Variants in PDLIM5 observed in about 807,000 individuals in gnomAD.
PDLIM5 encodes PDZ and LIM domain protein 5.
In PDLIM5, 34 loss-of-function variants were observed where a neutral mutation model predicts 64.2. That is an observed-to-expected ratio of 0.53 (90% CI 0.40 to 0.71). The LOEUF (loss-of-function observed/expected upper bound fraction) is 0.71, where lower values mean the gene tolerates loss of function less well. PDLIM5 is among the 30% of genes least tolerant of loss of function. PDLIM5 has a pLI of 0.00. For synonymous variants in PDLIM5, 253 were observed against 269.1 expected, an observed-to-expected ratio of 0.94 and a Z score of 0.59; for missense variants, 683 against 733.6, an observed-to-expected ratio of 0.93 and a Z score of 0.80.
At chr4:94,518,211 T>G (rs916155711) in intron 2 of PDLIM5, among the ~76,000 whole-genome samples, 1 of 152,166 alleles carries the variant, frequency 6.6e-6, no homozygotes, top group Non-Finnish European at 1.5e-5. Context: ...AAATGATATC[T>G]GCCATAATGG....
At position 94,576,876 on chromosome 4, in the gene PDLIM5, A is replaced by AT. The variant is rs761089029; in HGVS notation, c.710+851dup. The stretch of plus-strand genomic sequence containing the variant: ...TTCAGCAACCTTCAATTATTTGTTT[A>AT]TTTTTTTTTAACACTTTCGGTTCAA... On this transcript the variant is annotated intron_variant, in intron 5 of 12. Transcript: ENST00000317968. 9.2e-5 allele frequency among the ~76,000 whole-genome samples: 14 copies of AT among 151,500 alleles called. No homozygotes were observed. The East Asian group carries it at 1.2e-3, about 13-fold the overall frequency.
At chr4:94,549,477 A>G (rs1475858371) in intron 3 of PDLIM5, among the ~76,000 whole-genome samples, 1 of 152,214 alleles carries the variant, frequency 6.6e-6, no homozygotes, top group Admixed American at 6.5e-5. Context: ...TGTAAAATGA[A>G]GTATATTTGA....
intron 7 of PDLIM5, among the ~76,000 whole-genome samples, chr4:94,616,343 A>C (rs1336812819): frequency 1.3e-5 from 2 of 152,170 alleles, no homozygotes; most frequent in African/African-American, 4.8e-5. Flanking sequence ...TATCCTTTTA[A>C]TATGTTAAGG....
intron 7 of PDLIM5, among the ~76,000 whole-genome samples, chr4:94,589,733 TTTC>T (rs747346436): frequency 3.8e-5 from 1 of 26,060 alleles, no homozygotes; most frequent in Non-Finnish European, 1.0e-4. Context: ...TCTTTCTTTC[TTTC>T]TTTTCTTTTC....
chr4:94,644,615 C>G (rs1407878510), intron 9 of PDLIM5, among the ~76,000 whole-genome samples: 1 of 151,392 alleles, frequency 6.6e-6, no homozygotes, highest in Non-Finnish European at 1.5e-5. Context: ...AACCTCGGCT[C>G]ACTGCAACCT....
At chr4:94,597,937 C>T (rs973452830) in intron 7 of PDLIM5, among the ~76,000 whole-genome samples, 1 of 152,146 alleles carries the variant, frequency 6.6e-6, no homozygotes, top group African/African-American at 2.4e-5. Context: ...AAACACATCA[C>T]ATCCAACTTA....
intron 3 of PDLIM5, among the ~76,000 whole-genome samples, chr4:94,537,818 C>T (rs1394957703): frequency 6.6e-6 from 1 of 152,154 alleles, no homozygotes; most frequent in Admixed American, 6.5e-5. Flanking sequence ...AGTTCAATCT[C>T]AGATTTCTCT....
intron 2 of PDLIM5, among the ~76,000 whole-genome samples, chr4:94,478,891 T>G (rs963290961): frequency 9.4e-5 from 3 of 32,056 alleles, no homozygotes; most frequent in East Asian, 3.8e-4. Context: ...GTGCTTGGTG[T>G]TTTTTTTTTT....
chr4:94,532,997 T>C (rs2452569), intron 3 of PDLIM5, among the ~76,000 whole-genome samples: 79,326 of 151,998 alleles, frequency 0.52, 21,727 homozygotes, highest in African/African-American at 0.68. Context: ...AGTGAGACTC[T>C]GTCTCAAAAA....
At chr4:94,593,106 G>A (rs1267212187) in intron 7 of PDLIM5, among the ~76,000 whole-genome samples, 2 of 152,052 alleles carry the variant, frequency 1.3e-5, no homozygotes, top group Non-Finnish European at 2.9e-5. Flanking sequence ...TCCTACCGAA[G>A]TTTGAGCTCT....
chr4:94,454,702 G>T (rs986958489), intron 1 of PDLIM5, among the ~76,000 whole-genome samples: 3 of 152,218 alleles, frequency 2.0e-5, no homozygotes, highest in Non-Finnish European at 4.4e-5. Context: ...TGATTGGAGA[G>T]AATAGTTTTG....
intron 4 of PDLIM5, 55 bp downstream of exon 4, chr4:94,573,448 T>A: frequency 1.7e-5 from 21 of 1,269,576 alleles, no homozygotes; most frequent in Middle Eastern, 1.8e-4. Flanking sequence ...GCTGAGCTAC[T>A]GTAATTCCCA....
At chr4:94,455,012 CTAAG>C (rs1393975126) in intron 1 of PDLIM5, among the ~76,000 whole-genome samples, 1 of 152,116 alleles carries the variant, frequency 6.6e-6, no homozygotes, top group East Asian at 1.9e-4. Flanking sequence ...GTGAAACATA[CTAAG>C]TGTCTAGAAA....
At chr4:94,542,256 G>A (rs1731873694) in intron 3 of PDLIM5, among the ~76,000 whole-genome samples, 1 of 151,858 alleles carries the variant, frequency 6.6e-6, no homozygotes. Flanking sequence ...AGGTTGCAGT[G>A]AGCCGAGATC....
At chr4:94,566,138 G>GT (rs1347254167) in intron 3 of PDLIM5, among the ~76,000 whole-genome samples, 1 of 152,210 alleles carries the variant, frequency 6.6e-6, no homozygotes, top group Non-Finnish European at 1.5e-5. Context: ...AAGGTAGAAT[G>GT]TTAGGGCTGC....
intron 7 of PDLIM5, among the ~76,000 whole-genome samples, chr4:94,591,106 G>C (rs1349295252): frequency 6.6e-6 from 1 of 152,124 alleles, no homozygotes; most frequent in South Asian, 2.1e-4. Flanking sequence ...AAACACTTTG[G>C]TGTATTACAT....
intron 3 of PDLIM5, among the ~76,000 whole-genome samples, chr4:94,530,511 A>ATATATATATATATATATATATG (rs1730770494): frequency 0.027 from 3 of 112 alleles, no homozygotes; most frequent in Admixed American, 0.33. Context: ...GAATCACAGA[A>ATATATATATATATATATATATG]TATATATATA....
At chr4:94,538,138 C>G (rs898832371) in intron 3 of PDLIM5, among the ~76,000 whole-genome samples, 1 of 152,028 alleles carries the variant, frequency 6.6e-6, no homozygotes, top group African/African-American at 2.4e-5. Context: ...TTTATTAGTA[C>G]CTTACAAAAT....
chr4:94,456,899 T>C (rs1247091057), intron 2 of PDLIM5: 1 of 1,067,586 alleles, frequency 9.4e-7, no homozygotes, highest in African/African-American at 1.7e-5. Context: ...ATTATTCCCA[T>C]TGTATATAAC....
Sources: allele counts gnomAD v4.1 joint callset (sites outside exome capture counted in the v4.1 genomes callset), GRCh38; gene constraint gnomAD v4.1.1; transcripts MANE v1.5; gene names NCBI Gene and HGNC (gene_info 2026-07-23, HGNC 2026-07-21).